Variants in PAQR5 observed in about 807,000 individuals in gnomAD.
PAQR5 encodes progestin and adipoQ receptor family member 5, also known as membrane progestin receptor gamma.
In PAQR5, 20 loss-of-function variants were observed where a neutral mutation model predicts 34.5. The observed-to-expected ratio is 0.58, with a 90% CI of 0.41 to 0.84. The LOEUF (loss-of-function observed/expected upper bound fraction) is 0.84. PAQR5 is among the 40% of genes least tolerant of loss of function. The pLI, the probability that PAQR5 is intolerant of heterozygous loss-of-function variation, is 0.00. For synonymous variants in PAQR5, 131 were observed against 155.6 expected, an observed-to-expected ratio of 0.84 and a Z score of 1.18; for missense variants, 378 against 412.7, an observed-to-expected ratio of 0.92 and a Z score of 0.73.
At chr15:69,365,580 C>T (rs1012693554) in intron 3 of PAQR5, among the ~76,000 whole-genome samples, 2 of 151,838 alleles carry the variant, frequency 1.3e-5, no homozygotes, top group African/African-American at 2.4e-5. Context: ...TAATCTATTG[C>T]TAGAGTCAGT....
Position 69,354,565 on chromosome 15 carries a change from G to A in PAQR5, c.-115-5401G>A, listed in dbSNP as rs148175843. ...ATGCAGGATAATTGTATCATGTTTT[G>A]CAGAACTATCTTATTGTTATTGTTT... On this transcript the variant is annotated intron_variant, in intron 2 of 8. Transcript: ENST00000395407. 1.2e-3 allele frequency among the ~76,000 whole-genome samples: 187 copies of A among 152,270 alleles called. 2 individuals are homozygous for A. In the Middle Eastern group the frequency reaches 0.02, roughly 17 times the overall value.
At chr15:69,386,017 A>T (rs1308933704) in intron 5 of PAQR5, among the ~76,000 whole-genome samples, 2 of 150,826 alleles carry the variant, frequency 1.3e-5, no homozygotes, top group African/African-American at 4.9e-5. Flanking sequence ...ACTCACATAA[A>T]CACACATCAC....
chr15:69,399,834 T>A, intron 7 of PAQR5, 140 bp from the exon 8 acceptor site: 1 of 783,114 alleles, frequency 1.3e-6, no homozygotes, highest in Non-Finnish European at 2.0e-6. Flanking sequence ...GTGAGGGCCT[T>A]GGCCTCTGGA....
intron 1 of PAQR5, among the ~76,000 whole-genome samples, chr15:69,300,087 C>T (rs1028478748): frequency 6.6e-6 from 1 of 152,092 alleles, no homozygotes; most frequent in Non-Finnish European, 1.5e-5. Context: ...GCTGCATGGT[C>T]GCTTCTGCAT....
intron 6 of PAQR5, among the ~76,000 whole-genome samples, chr15:69,390,360 A>ATTTTTTTTT (rs543005498): frequency 6.6e-5 from 9 of 135,888 alleles, no homozygotes; most frequent in Admixed American, 2.3e-4. Flanking sequence ...TTATTTATTT[A>ATTTTTTTTT]TTTTTTTGAG....
chr15:69,398,271 G>C (rs920795969), intron 7 of PAQR5, among the ~76,000 whole-genome samples: 2 of 152,182 alleles, frequency 1.3e-5, no homozygotes, highest in Non-Finnish European at 2.9e-5. Context: ...TAAAGGAAGA[G>C]AGTGTAGGAG....
intron 3 of PAQR5, among the ~76,000 whole-genome samples, chr15:69,372,637 G>A (rs1294503960): frequency 6.6e-6 from 1 of 152,156 alleles, no homozygotes; most frequent in Non-Finnish European, 1.5e-5. Context: ...TTGTAAGTTG[G>A]CATTTTCCTG....
intron 1 of PAQR5, among the ~76,000 whole-genome samples, chr15:69,335,659 C>G (rs1263591299): frequency 6.8e-6 from 1 of 146,956 alleles, no homozygotes; most frequent in Non-Finnish European, 1.5e-5. Context: ...AAGCCATTCT[C>G]CTTACCTCAG....
chr15:69,326,199 C>G (rs1046697110), intron 1 of PAQR5, among the ~76,000 whole-genome samples: 6 of 152,178 alleles, frequency 3.9e-5, no homozygotes, highest in Non-Finnish European at 8.8e-5. Flanking sequence ...GCCTGTTTCT[C>G]TGTGATCAGA....
rs57372806 is a variant in PAQR5 at position 69,300,885 on chromosome 15, CTTTCTTT to C, written c.-277+1830_-277+1836del. On this transcript the variant is annotated intron_variant, in intron 1 of 8. Transcript: ENST00000395407. Reference sequence around the variant, plus strand: ...TCTTTCTTTCTTTCTTTCTTTCTTTCTTTCTTTCTTCCTTCCTTCCTTCCTTCCTTTC... The same window carrying C: ...TCTTTCTTTCTTTCTTTCTTTCTTTCCTTCCTTCCTTCCTTCCTTCCTTTC... Among the ~76,000 whole-genome samples, 27 of 29,528 alleles carry C rather than the reference CTTTCTTT, an allele frequency of 9.1e-4. 8 individuals are homozygous for C. Among genetic ancestry groups the C allele is most frequent in the East Asian group, 2.1e-3 (2 of 958 alleles). The allele number at this position is 29,528 out of a possible 152,430, so 19.4% of individuals were successfully genotyped here.
At position 69,397,560 on chromosome 15, in the gene PAQR5, A is replaced by G. The variant is rs371703378; in HGVS notation, c.605A>G (p.Tyr202Cys). Residue 202 changes from tyrosine (Y) to cysteine (C), a missense_variant, in exon 7 of 9, where the codon TAC becomes TGC. Transcript: ENST00000395407. Reference sequence around the variant, plus strand: ...ACCTGGGACTCCCTCCCCATCTTCTACAGGGTAAGGACTGGCTGCATCTCC... The same window carrying G: ...ACCTGGGACTCCCTCCCCATCTTCTGCAGGGTAAGGACTGGCTGCATCTCC... ...PYTWDSLPIFYRLFLFPGESA... is the reference protein window; with the variant it reads ...PYTWDSLPIFCRLFLFPGESA... The G allele has an allele frequency of 1.2e-4, 188 of 1,597,872 alleles. No individual in the cohort carries two copies. Among genetic ancestry groups the G allele is most frequent in the Non-Finnish European group, 1.5e-4 (172 of 1,165,434 alleles).
intron 3 of PAQR5, among the ~76,000 whole-genome samples, chr15:69,369,357 G>A (rs1165790172): frequency 6.6e-6 from 1 of 152,096 alleles, no homozygotes; most frequent in African/African-American, 2.4e-5. Context: ...CCAACATGGT[G>A]AAACCCTGTC....
chr15:69,354,183 A>G (rs1310656333), intron 2 of PAQR5, among the ~76,000 whole-genome samples: 1 of 152,220 alleles, frequency 6.6e-6, no homozygotes, highest in Non-Finnish European at 1.5e-5. Flanking sequence ...ACCATGACCA[A>G]CTAAGGTGCT....
chr15:69,327,611 T>C (rs1307319060), intron 1 of PAQR5, among the ~76,000 whole-genome samples: 1 of 152,158 alleles, frequency 6.6e-6, no homozygotes, highest in Non-Finnish European at 1.5e-5. Context: ...GTGTGTTGGC[T>C]CTGAGGCTTC....
intron 4 of PAQR5, among the ~76,000 whole-genome samples, chr15:69,383,407 T>C: frequency 7.4e-6 from 1 of 135,102 alleles, no homozygotes; most frequent in African/African-American, 2.9e-5. Context: ...GTGTTCATCG[T>C]GGAGGGTGAG....
At chr15:69,389,926 G>A in intron 6 of PAQR5, 146 bp downstream of exon 6, 3 of 922,926 alleles carry the variant, frequency 3.3e-6, no homozygotes, top group Non-Finnish European at 4.8e-6. Flanking sequence ...GACTTCCTAT[G>A]CTGGCAAAAC....
At chr15:69,347,725 G>C (rs2054811393) in intron 2 of PAQR5, among the ~76,000 whole-genome samples, 2 of 152,118 alleles carry the variant, frequency 1.3e-5, no homozygotes, top group Non-Finnish European at 2.9e-5. Flanking sequence ...AGTAGATTCG[G>C]TGCTTTTGGT....
chr15:69,397,263 A>G (rs2056468039), intron 6 of PAQR5: 6 of 691,804 alleles, frequency 8.7e-6, no homozygotes, highest in Non-Finnish European at 1.6e-5. Context: ...GTCCCTGGAG[A>G]TCTTTTTGCA....
chr15:69,305,134 T>C (rs979768007), intron 1 of PAQR5, among the ~76,000 whole-genome samples: 2 of 152,164 alleles, frequency 1.3e-5, no homozygotes, highest in Admixed American at 6.5e-5. Context: ...AGAGGGGGGA[T>C]GTGCTGTGCA....
Sources: allele counts gnomAD v4.1 joint callset (sites outside exome capture counted in the v4.1 genomes callset), GRCh38; gene constraint gnomAD v4.1.1; transcripts MANE v1.5; gene names NCBI Gene and HGNC (gene_info 2026-07-23, HGNC 2026-07-21).